FBXW4: variants seen among roughly 807,000 people sequenced by gnomAD.
The protein encoded by FBXW4 is F-box and WD repeat domain containing 4.
Under a neutral mutation model 61.8 loss-of-function variants are expected in FBXW4, and 40 were observed. The ratio of observed to expected loss-of-function variants is 0.65; its 90% CI spans 0.50 to 0.84. The LOEUF is 0.84. Among genes scored for constraint, FBXW4 ranks in the 40% least tolerant of loss-of-function variants. The pLI is 0.00. For synonymous variants in FBXW4, 311 were observed against 313.8 expected (o/e 0.99, Z 0.10); for missense variants, 672 against 753.8 (o/e 0.89, Z 1.27).
chr10:101,613,937 G>C (rs1408979142), intron 6 of FBXW4, among the ~76,000 whole-genome samples: 1 of 152,226 alleles, frequency 6.6e-6, no homozygotes, highest in Non-Finnish European at 1.5e-5. Flanking sequence ...CTGTCTGTTG[G>C]GGGGCTCCTG....
chr10:101,640,421 TG>T (rs1442416389), intron 5 of FBXW4, among the ~76,000 whole-genome samples: 2 of 151,908 alleles, frequency 1.3e-5, no homozygotes, highest in African/African-American at 4.8e-5. Flanking sequence ...CTCATTCTAA[TG>T]GGGCAGAGTT....
intron 6 of FBXW4, among the ~76,000 whole-genome samples, chr10:101,614,904 C>T (rs528325527): frequency 6.6e-6 from 1 of 152,212 alleles, no homozygotes; most frequent in African/African-American, 2.4e-5. Context: ...CTTCTCGGCC[C>T]CCACCCCAAG....
chr10:101,694,431 C>A lies in FBXW4; in HGVS notation c.675G>T (p.Arg225=). The part of the protein sequence containing the change: ...RFTSCDLLWR[R]IARASLNSGF... ...CGGAGTTGAGCGAGGCCCGGGCTATCCGGCGCCAGAGCAGATCGCAGCTGG... is the reference window on the plus strand; with the variant it reads ...CGGAGTTGAGCGAGGCCCGGGCTATACGGCGCCAGAGCAGATCGCAGCTGG... The change falls in exon 1 of 9, where the codon CGG becomes CGT. Residue 225 remains arginine, a synonymous_variant. Coordinates refer to ENST00000331272, the MANE Select transcript of FBXW4 (RefSeq NM_022039.4). This position sits in a 1 kb window ranked among gnomAD's most constrained non-coding sequence, Gnocchi z 6.0. The A allele has an allele frequency of 6.5e-7, 1 of 1,528,878 alleles. No homozygotes were observed. Among genetic ancestry groups the A allele is most frequent in the Non-Finnish European group, 8.7e-7 (1 of 1,150,778 alleles). The allele number at this position is 1,528,878 out of a possible 1,614,324, so 94.7% of individuals were successfully genotyped here. A position where few individuals can be genotyped will look rare whatever the true frequency, so the allele number is the denominator to read the frequency against.
At chr10:101,630,368 C>T (rs1389357137) in intron 5 of FBXW4, among the ~76,000 whole-genome samples, 3 of 152,188 alleles carry the variant, frequency 2.0e-5, no homozygotes, top group Non-Finnish European at 4.4e-5. Flanking sequence ...GATATTATAG[C>T]AGCAAAGGTC....
intron 5 of FBXW4, among the ~76,000 whole-genome samples, chr10:101,660,987 G>A (rs1157499515): frequency 6.6e-6 from 1 of 152,236 alleles, no homozygotes; most frequent in Non-Finnish European, 1.5e-5. Context: ...AAGACAGAGA[G>A]TGGAAGGTGG....
chr10:101,656,793 A>G (rs1156968457), intron 5 of FBXW4, among the ~76,000 whole-genome samples: 1 of 152,180 alleles, frequency 6.6e-6, no homozygotes, highest in Non-Finnish European at 1.5e-5. Flanking sequence ...ACAGCAAAAC[A>G]TGCTCTAACA....
At chr10:101,635,045 G>T (rs2063989554) in intron 5 of FBXW4, among the ~76,000 whole-genome samples, 1 of 149,370 alleles carries the variant, frequency 6.7e-6, no homozygotes, top group East Asian at 1.9e-4. Context: ...GGAGGTAAGT[G>T]GTGGGCAAGC....
At chr10:101,677,240 G>A (rs1479945101) in intron 1 of FBXW4, among the ~76,000 whole-genome samples, 3 of 152,088 alleles carry the variant, frequency 2.0e-5, no homozygotes, top group Non-Finnish European at 4.4e-5. Flanking sequence ...AGGAATTTCA[G>A]TCATAATAGC....
chr10:101,635,500 G>T (rs1201390065), intron 5 of FBXW4, among the ~76,000 whole-genome samples: 5 of 152,000 alleles, frequency 3.3e-5, no homozygotes, highest in South Asian at 2.1e-4. Flanking sequence ...GTTGGGGACT[G>T]CTGATATATA....
intron 5 of FBXW4, among the ~76,000 whole-genome samples, chr10:101,660,864 C>G (rs943819658): frequency 1.3e-5 from 2 of 152,216 alleles, no homozygotes; most frequent in African/African-American, 4.8e-5. Flanking sequence ...ACTTACCACA[C>G]TCTACTACCT....
At chr10:101,646,696 G>C (rs1374217838) in intron 5 of FBXW4, among the ~76,000 whole-genome samples, 1 of 152,230 alleles carries the variant, frequency 6.6e-6, no homozygotes, top group Non-Finnish European at 1.5e-5. Context: ...GTAACCCAAA[G>C]GAGGCTGGAG....
intron 6 of FBXW4, among the ~76,000 whole-genome samples, chr10:101,614,505 A>G (rs1462131703): frequency 2.0e-5 from 3 of 152,156 alleles, no homozygotes; most frequent in Non-Finnish European, 4.4e-5. Flanking sequence ...AATACAGGAC[A>G]GCCCAAGGGG....
At chr10:101,615,000 G>A (rs2063815137) in intron 6 of FBXW4, among the ~76,000 whole-genome samples, 2 of 152,158 alleles carry the variant, frequency 1.3e-5, no homozygotes, top group Admixed American at 1.3e-4. Context: ...TGGGGGAAAA[G>A]GGGACAAAAC....
At position 101,611,489 on chromosome 10, in the gene FBXW4, C is replaced by A; in HGVS notation, c.1585-79G>T. 6.4e-7 allele frequency: 1 copy of A among 1,572,996 alleles called. No individual in the cohort carries two copies. Among genetic ancestry groups the A allele is most frequent in the Non-Finnish European group, 8.6e-7 (1 of 1,156,184 alleles). ...TGCCCTAACCCAGGATCCCCAGGCCCAGGGGAAGAGGGACGTGTGCCATTG... is the reference window on the plus strand; with the variant it reads ...TGCCCTAACCCAGGATCCCCAGGCCAAGGGGAAGAGGGACGTGTGCCATTG... On this transcript the variant is annotated intron_variant, in intron 8 of 8. Transcript: ENST00000331272. This position sits in a 1 kb window ranked among gnomAD's most constrained non-coding sequence, Gnocchi z 4.9.
At chr10:101,660,015 A>G (rs1277277360) in intron 5 of FBXW4, 1 of 875,970 alleles carries the variant, frequency 1.1e-6, no homozygotes, top group Non-Finnish European at 1.4e-6. Context: ...CTAACTTGTA[A>G]TATAAGGAGA....
At position 101,611,157 on chromosome 10, in the gene FBXW4, G is replaced by C; in HGVS notation, c.*134C>G. 2 of 1,195,056 alleles carry C rather than the reference G, an allele frequency of 1.7e-6. No individual in the cohort carries two copies. Among genetic ancestry groups the C allele is most frequent in the Non-Finnish European group, 2.3e-6 (2 of 852,726 alleles). 74.0% of individuals were successfully genotyped at this position (1,195,056 alleles called of 1,614,324 possible). A position where few individuals can be genotyped will look rare whatever the true frequency, so the allele number is the denominator to read the frequency against. On this transcript the variant is annotated 3_prime_UTR_variant, in exon 9 of 9. Transcript: ENST00000331272. The surrounding 1 kb of genome is among the most constrained non-coding windows in gnomAD (Gnocchi z 4.9). Reference sequence around the variant, plus strand: ...AGGAGTCAGAAGCCTCTAGTGCAAGGTGCCTGAGCACTGGGGTCACAGGCC... The same window carrying C: ...AGGAGTCAGAAGCCTCTAGTGCAAGCTGCCTGAGCACTGGGGTCACAGGCC...
chr10:101,655,553 C>G (rs1174819278), intron 5 of FBXW4, among the ~76,000 whole-genome samples: 2 of 152,230 alleles, frequency 1.3e-5, no homozygotes, highest in African/African-American at 2.4e-5. Flanking sequence ...GCCCAGCTGA[C>G]CCTTCTCTTA....
intron 1 of FBXW4, among the ~76,000 whole-genome samples, chr10:101,684,757 C>T (rs901088892): frequency 3.3e-5 from 5 of 152,176 alleles, no homozygotes; most frequent in African/African-American, 1.2e-4. Flanking sequence ...CCTGAATCTT[C>T]CAATAGCTTC....
At position 101,672,928 on chromosome 10, in the gene FBXW4, T is replaced by C. The variant is rs1589774065; in HGVS notation, c.1127A>G (p.Asp376Gly). Residue 376 changes from aspartate (D) to glycine (G), a missense_variant, in exon 4 of 9, where the codon GAC (aspartate) becomes GGC (glycine). Asp to Gly is a moderately conservative substitution (Grantham distance 94, BLOSUM62 -1). This residue lies in a region of FBXW4 where 312 missense variants were observed against 370.1 expected (regional missense o/e 0.84). Transcript: ENST00000331272. ...KGGIIVSGSR[D>G]RTAKVWPLAS... ...AGACCACCTCACCTTGGCCGTCCTG[T>C]CCCTGGAGCCACTCACAATGATGCC... The C allele has an allele frequency of 3.1e-6, 5 of 1,614,036 alleles. No individual in the cohort carries two copies. The highest frequency in any genetic ancestry group is 4.2e-6 in the Non-Finnish European group (5 of 1,180,004).
Sources: gnomAD v4.1 joint callset for allele counts (sites outside exome capture counted in the v4.1 genomes callset) on GRCh38, gnomAD v4.1.1 for gene constraint, gnomAD v4.1.1 regional missense constraint, Gnocchi (gnomAD v3.1) non-coding constraint, MANE v1.5 for transcripts, NCBI Gene and HGNC (gene_info 2026-07-23, HGNC 2026-07-21) for gene names.